ABCA12: variants seen among roughly 807,000 people sequenced by gnomAD.
The protein encoded by ABCA12 is ATP binding cassette subfamily A member 12, also known as glucosylceramide transporter ABCA12.
Under a neutral mutation model 293.5 loss-of-function variants are expected in ABCA12, and 156 were observed. The ratio of observed to expected loss-of-function variants is 0.53; its 90% CI spans 0.47 to 0.61. The LOEUF (loss-of-function observed/expected upper bound fraction) is 0.61. Ranked by LOEUF, ABCA12 falls within the 20% of genes least tolerant of loss-of-function variation. The pLI is 0.00. For missense variants in ABCA12, 2,797 were observed against 3,090.2 expected, an observed-to-expected ratio of 0.91 and a Z score of 2.25; for synonymous variants, 1,063 against 1,108.0, an observed-to-expected ratio of 0.96 and a Z score of 0.81.
At chr2:214,956,042 G>T (rs1395552052) in intron 42 of ABCA12, among the ~76,000 whole-genome samples, 1 of 152,182 alleles carries the variant, frequency 6.6e-6, no homozygotes, top group East Asian at 1.9e-4. Flanking sequence ...AAGCTGGCTA[G>T]CCTGTTTTGA....
chr2:214,944,438 A>T (rs1304876474), intron 49 of ABCA12, among the ~76,000 whole-genome samples: 1 of 151,722 alleles, frequency 6.6e-6, no homozygotes, highest in Non-Finnish European at 1.5e-5. Context: ...AAATAAAAAA[A>T]AAATTTCAAA....
chr2:214,977,880 CTT>C (rs55902726), intron 33 of ABCA12, among the ~76,000 whole-genome samples: 11 of 140,266 alleles, frequency 7.8e-5, no homozygotes, highest in South Asian at 2.2e-4. Flanking sequence ...CTTTTTTTTC[CTT>C]TTTTTTTTTT....
chr2:215,057,759 T>A (rs1220638385), intron 3 of ABCA12, among the ~76,000 whole-genome samples: 2 of 152,038 alleles, frequency 1.3e-5, no homozygotes, highest in African/African-American at 4.8e-5. Context: ...GAACATTACT[T>A]GGAACAACTT....
Position 214,944,397 on chromosome 2 carries a change from G to T in ABCA12, c.7343+604C>A, listed in dbSNP as rs534722251. On this transcript the variant is annotated intron_variant, in intron 49 of 52. Coordinates refer to ENST00000272895, the MANE Select transcript of ABCA12 (RefSeq NM_173076.3). ...ACTGTACTCCAGCCTGGGTGACAGA[G>T]TAAGACTCTGTCTAAATAAAAAAAA... Among the ~76,000 whole-genome samples, 25 of 151,312 alleles carry T rather than the reference G, an allele frequency of 1.7e-4. No homozygotes were observed. In the South Asian group the frequency reaches 5.1e-3, roughly 31 times the overall value.
intron 30 of ABCA12, 150 bp downstream of exon 30, chr2:214,982,037 C>T (rs1699678172): frequency 2.9e-6 from 2 of 700,316 alleles, no homozygotes; most frequent in East Asian, 5.9e-5. Context: ...GTCTCAAACT[C>T]CCAGGCTCAA....
rs539084685 is a variant in ABCA12 at position 215,095,176 on chromosome 2, T to G, written c.163+16421A>C. Among the ~76,000 whole-genome samples the G allele has an allele frequency of 7.9e-5, 12 of 152,286 alleles. No individual in the cohort carries two copies. The East Asian group carries it at 2.3e-3, about 29-fold the overall frequency. ...AAAAGGAAGACTCTACATTTTTAAA[T>G]GAAGAGTGTTGTTTTTACCTAAATC... is the stretch of plus-strand genomic sequence containing the variant. On this transcript the variant is annotated intron_variant, in intron 2 of 52. Transcript: ENST00000272895.
At chr2:215,134,332 A>G (rs1302879354) in intron 1 of ABCA12, among the ~76,000 whole-genome samples, 1 of 146,596 alleles carries the variant, frequency 6.8e-6, no homozygotes, top group Non-Finnish European at 1.5e-5. Context: ...GTATATATGT[A>G]CATATATATG....
chr2:215,075,476 A>T (rs1484760567), intron 2 of ABCA12: 1 of 665,662 alleles, frequency 1.5e-6, no homozygotes, highest in Admixed American at 2.5e-5. Context: ...AGAGTCAAAA[A>T]GCATCCTCTT....
At chr2:215,124,343 G>A (rs1322861250) in intron 1 of ABCA12, among the ~76,000 whole-genome samples, 1 of 152,146 alleles carries the variant, frequency 6.6e-6, no homozygotes, top group Non-Finnish European at 1.5e-5. Flanking sequence ...GGGATTGCTG[G>A]ATCAAATTGT....
chr2:214,939,802 A>G (rs559016776), intron 50 of ABCA12, among the ~76,000 whole-genome samples: 134 of 152,286 alleles, frequency 8.8e-4, no homozygotes, highest in Middle Eastern at 3.4e-3. Flanking sequence ...TGATTCTTGC[A>G]CATTGATTTT....
At chr2:214,964,390 A>T (rs1699201715) in intron 39 of ABCA12, among the ~76,000 whole-genome samples, 1 of 152,170 alleles carries the variant, frequency 6.6e-6, no homozygotes, top group Non-Finnish European at 1.5e-5. Flanking sequence ...CAATCAGGCA[A>T]GGTAAAGAAA....
At chr2:214,968,187 T>C (rs1329488993) in intron 38 of ABCA12, among the ~76,000 whole-genome samples, 2 of 152,234 alleles carry the variant, frequency 1.3e-5, no homozygotes, top group African/African-American at 2.4e-5. Flanking sequence ...GAAATAAGAA[T>C]TGCCAGCCTC....
At chr2:215,124,931 G>GTT (rs1702890448) in intron 1 of ABCA12, among the ~76,000 whole-genome samples, 1 of 152,152 alleles carries the variant, frequency 6.6e-6, no homozygotes, top group Non-Finnish European at 1.5e-5. Context: ...AATTTTTATA[G>GTT]TTTCAGGTCT....
At chr2:215,061,005 A>G (rs1701516969) in intron 3 of ABCA12, among the ~76,000 whole-genome samples, 1 of 152,006 alleles carries the variant, frequency 6.6e-6, no homozygotes. Flanking sequence ...ATGACCCTGT[A>G]TGCTCTAGGG....
intron 2 of ABCA12, among the ~76,000 whole-genome samples, chr2:215,091,781 T>A (rs1702152376): frequency 6.6e-6 from 1 of 152,164 alleles, no homozygotes; most frequent in Non-Finnish European, 1.5e-5. Context: ...CCCAGCCATA[T>A]CTCTAGCACA....
intron 3 of ABCA12, among the ~76,000 whole-genome samples, chr2:215,056,665 T>G (rs1701426703): frequency 6.6e-6 from 1 of 152,120 alleles, no homozygotes; most frequent in Non-Finnish European, 1.5e-5. Flanking sequence ...CTGTTTTCTT[T>G]AAACTCTTAA....
intron 48 of ABCA12, among the ~76,000 whole-genome samples, chr2:214,946,761 A>C (rs546152843): frequency 1.5e-3 from 223 of 152,300 alleles, no homozygotes; most frequent in Admixed American, 5.2e-3. Context: ...ATCCTTTGAC[A>C]AAGTTAGACT....
intron 42 of ABCA12, among the ~76,000 whole-genome samples, chr2:214,956,118 C>T (rs892300670): frequency 5.9e-5 from 9 of 152,116 alleles, no homozygotes; most frequent in Admixed American, 4.6e-4. Flanking sequence ...GCATTAGCTA[C>T]AATTGCTAAT....
intron 49 of ABCA12, among the ~76,000 whole-genome samples, chr2:214,943,569 A>G (rs558980207): frequency 1.3e-5 from 2 of 152,250 alleles, no homozygotes; most frequent in South Asian, 2.1e-4. Context: ...ACCAAAGGCC[A>G]TCTCTCTCTC....
Sources: allele counts gnomAD v4.1 joint callset (sites outside exome capture counted in the v4.1 genomes callset), GRCh38; gene constraint gnomAD v4.1.1; transcripts MANE v1.5; gene names NCBI Gene and HGNC (gene_info 2026-07-23, HGNC 2026-07-21).